Variants in MAP7 observed in about 807,000 individuals in gnomAD.
MAP7 encodes microtubule associated protein 7.
Under a neutral mutation model 94.8 loss-of-function variants are expected in MAP7, and 52 were observed. The observed-to-expected ratio is 0.55, with a 90% confidence interval of 0.44 to 0.69. The LOEUF is 0.69. Among genes scored for constraint, MAP7 ranks in the 30% least tolerant of loss-of-function variants. The pLI, the probability that MAP7 is intolerant of heterozygous loss-of-function variation, is 0.00. For synonymous variants in MAP7, 350 were observed against 357.0 expected (o/e 0.98, Z 0.22); for missense variants, 940 against 964.6 (o/e 0.97, Z 0.34).
intron 1 of MAP7, among the ~76,000 whole-genome samples, chr6:136,505,613 A>T (rs978722101): frequency 2.0e-5 from 3 of 152,028 alleles, no homozygotes; most frequent in African/African-American, 7.3e-5. Context: ...ACAGGGACAC[A>T]TCGAAAGGAA....
chr6:136,456,389 A>G (rs913572142), intron 1 of MAP7, among the ~76,000 whole-genome samples: 48 of 152,254 alleles, frequency 3.2e-4, no homozygotes, highest in African/African-American at 1.1e-3. Context: ...AGAAAGAAAA[A>G]GGCCAGGCAT....
intron 1 of MAP7, among the ~76,000 whole-genome samples, chr6:136,546,824 T>A (rs1288931090): frequency 1.3e-5 from 2 of 152,232 alleles, no homozygotes; most frequent in Non-Finnish European, 2.9e-5. Flanking sequence ...TCTCATGCAT[T>A]GGGAGGCAAA....
chr6:136,526,004 TA>T (rs1827739672), intron 1 of MAP7: 4 of 1,486,650 alleles, frequency 2.7e-6, no homozygotes, highest in Admixed American at 5.3e-5. Flanking sequence ...ATTGTGATTA[TA>T]TTAAAAATAT....
chr6:136,350,170 G>A (rs1788761655), intron 16 of MAP7, among the ~76,000 whole-genome samples: 1 of 152,138 alleles, frequency 6.6e-6, no homozygotes, highest in Admixed American at 6.5e-5. Context: ...GGATTTTCAT[G>A]GAGTATCAGG....
At chr6:136,499,818 G>A (rs960621911) in intron 1 of MAP7, among the ~76,000 whole-genome samples, 1 of 151,984 alleles carries the variant, frequency 6.6e-6, no homozygotes, top group Admixed American at 6.6e-5. Flanking sequence ...GGCCGACATA[G>A]GGAGCTCTCA....
intron 1 of MAP7, among the ~76,000 whole-genome samples, chr6:136,514,521 G>T (rs796834350): frequency 1.4e-5 from 2 of 145,450 alleles, no homozygotes; most frequent in African/African-American, 2.6e-5. Flanking sequence ...AGGAGGCAGA[G>T]GTTACAGTGA....
At chr6:136,410,422 G>A (rs1787073754) in intron 3 of MAP7, among the ~76,000 whole-genome samples, 1 of 152,170 alleles carries the variant, frequency 6.6e-6, no homozygotes, top group African/African-American at 2.4e-5. Context: ...AGCAACCTTA[G>A]TAGGGAGCAA....
At chr6:136,431,337 G>A (rs914672221) in intron 1 of MAP7, among the ~76,000 whole-genome samples, 1 of 152,070 alleles carries the variant, frequency 6.6e-6, no homozygotes, top group Non-Finnish European at 1.5e-5. Flanking sequence ...ACAAAAAAAT[G>A]TGTTCCACAT....
intron 1 of MAP7, among the ~76,000 whole-genome samples, chr6:136,445,643 C>A (rs1184586915): frequency 6.6e-6 from 1 of 152,170 alleles, no homozygotes; most frequent in African/African-American, 2.4e-5. Flanking sequence ...CCTCTTACAA[C>A]CACCTATTAG....
Position 136,360,678 on chromosome 6 carries a change from T to C in MAP7, c.1803+19A>G. 8 of 1,612,274 alleles carry C rather than the reference T, an allele frequency of 5.0e-6. No homozygotes were observed. Among genetic ancestry groups the C allele is most frequent in the Non-Finnish European group, 6.8e-6 (8 of 1,178,546 alleles). ...GGTGCAAGTTCGCGTCCCGGGCCTC[T>C]CTACTAAGACGCAGCTACCTTCTTT... On this transcript the variant is annotated intron_variant, in intron 13 of 17. Coordinates refer to ENST00000354570, the MANE Select transcript of MAP7 (RefSeq NM_003980.6).
chr6:136,513,590 C>CT (rs1823881153), intron 1 of MAP7, among the ~76,000 whole-genome samples: 1 of 152,198 alleles, frequency 6.6e-6, no homozygotes, highest in Admixed American at 6.5e-5. Context: ...GGGTCAACTG[C>CT]TTACAAACAC....
At chr6:136,376,446 A>G (rs894867053) in intron 7 of MAP7, among the ~76,000 whole-genome samples, 7 of 152,322 alleles carry the variant, frequency 4.6e-5, no homozygotes, top group African/African-American at 1.4e-4. Context: ...AAAACTCATG[A>G]CTTGTAGAAA....
intron 3 of MAP7, among the ~76,000 whole-genome samples, chr6:136,403,453 T>C (rs1029273260): frequency 1.3e-5 from 2 of 152,216 alleles, no homozygotes; most frequent in Admixed American, 1.3e-4. Flanking sequence ...AGTGATGAAG[T>C]TGGCATTCAA....
intron 10 of MAP7, 30 bp from the exon 11 acceptor site, chr6:136,362,732 G>A: frequency 6.6e-7 from 1 of 1,522,614 alleles, no homozygotes; most frequent in Non-Finnish European, 8.8e-7. Context: ...GAGAAAACCA[G>A]TTGGAAACAA....
At chr6:136,502,515 A>C (rs1820086401) in intron 1 of MAP7, among the ~76,000 whole-genome samples, 1 of 152,258 alleles carries the variant, frequency 6.6e-6, no homozygotes, top group Non-Finnish European at 1.5e-5. Flanking sequence ...ACTGCAAAGC[A>C]TAAGTAGTGG....
At chr6:136,356,866 GA>G (rs1791130780) in intron 15 of MAP7, 72 bp from the exon 16 acceptor site, 1 of 1,212,712 alleles carries the variant, frequency 8.2e-7, no homozygotes, top group Non-Finnish European at 1.2e-6. Context: ...CCAAGAGCCA[GA>G]ATGCCTTGAT....
intron 10 of MAP7, among the ~76,000 whole-genome samples, chr6:136,363,763 C>T (rs893856447): frequency 7.9e-5 from 12 of 152,184 alleles, no homozygotes; most frequent in Non-Finnish European, 1.5e-4. Flanking sequence ...CTATCAAGCA[C>T]ACAGGCTATA....
chr6:136,520,580 T>C (rs561730996), intron 1 of MAP7, among the ~76,000 whole-genome samples: 131 of 152,344 alleles, frequency 8.6e-4, no homozygotes, highest in African/African-American at 3.1e-3. Context: ...ATTACACTGA[T>C]GTAAGTCAGT....
rs1042906415 is a variant in MAP7, at chr6:136,366,091, T to G, written c.990-73A>C. The G allele has an allele frequency of 3.4e-6, 5 of 1,451,658 alleles. No individual in the cohort carries two copies. In the African/African-American group the frequency reaches 7.1e-5, roughly 20 times the overall value. 89.9% of individuals were successfully genotyped at this position (1,451,658 alleles called of 1,614,324 possible). A position where few individuals can be genotyped will look rare whatever the true frequency, so the allele number is the denominator to read the frequency against. ...GGCTTGCCAGAACCTAGAACACGAC[T>G]CGATGGAAGAGAATGCAGATATTTA... On this transcript the variant is annotated intron_variant, in intron 9 of 17. Coordinates refer to ENST00000354570, the MANE Select transcript of MAP7 (RefSeq NM_003980.6).
Sources: gnomAD v4.1 joint callset for allele counts (sites outside exome capture counted in the v4.1 genomes callset) on GRCh38, gnomAD v4.1.1 for gene constraint, MANE v1.5 for transcripts, NCBI Gene and HGNC (gene_info 2026-07-23, HGNC 2026-07-21) for gene names.